The following USH1C variants were observed in gnomAD, a reference collection of about 807,000 sequenced individuals.
The protein encoded by USH1C is USH1 protein network component harmonin.
Under a neutral mutation model 119.3 loss-of-function variants are expected in USH1C, and 90 were observed. That is an observed-to-expected ratio of 0.75 (90% CI 0.64 to 0.90). The LOEUF (loss-of-function observed/expected upper bound fraction) is 0.90, where lower values mean the gene tolerates loss of function less well. Among genes scored for constraint, USH1C ranks in the 40% least tolerant of loss-of-function variants. USH1C has a pLI of 0.00. For missense variants in USH1C, 1,165 were observed against 1,167.7 expected, an observed-to-expected ratio of 1.00 and a Z score of 0.03; for synonymous variants, 465 against 443.3, an observed-to-expected ratio of 1.05 and a Z score of -0.62.
chr11:17,520,769 A>G, intron 14 of USH1C, 101 bp downstream of exon 14: 3 of 1,418,514 alleles, frequency 2.1e-6, no homozygotes, highest in South Asian at 2.3e-5. Context: ...CACAGCCCAG[A>G]GCACCAAGGG....
chr11:17,517,349 G>C, intron 14 of USH1C: 1 of 1,535,008 alleles, frequency 6.5e-7, no homozygotes, highest in South Asian at 1.2e-5. Flanking sequence ...AGGAGGAGGC[G>C]GGCAGGGTAA....
At chr11:17,535,032 C>T (rs1375148959) in intron 1 of USH1C, among the ~76,000 whole-genome samples, 1 of 152,168 alleles carries the variant, frequency 6.6e-6, no homozygotes, top group African/African-American at 2.4e-5. Flanking sequence ...ACCCCCTCTG[C>T]TCAGGCCTGT....
At chr11:17,518,818 A>G (rs1195274398) in intron 14 of USH1C, among the ~76,000 whole-genome samples, 1 of 152,128 alleles carries the variant, frequency 6.6e-6, no homozygotes, top group Admixed American at 6.5e-5. Flanking sequence ...CTGGGAGTTC[A>G]AGACCTGCCT....
rs1452559229 is a variant in USH1C, at chr11:17,527,899, A to C, written c.388-568T>G. On this transcript the variant is annotated intron_variant, in intron 4 of 26. Transcript: ENST00000005226. ...CCCATCATATGGAAACTTGATGAAC[A>C]TTTTAACTCTGCTGTGGCCCTGACC... 2.0e-5 allele frequency among the ~76,000 whole-genome samples: 3 copies of C among 152,096 alleles called. No individual in the cohort carries two copies. The East Asian group carries it at 5.8e-4, about 29-fold the overall frequency.
Position 17,531,310 on chromosome 11 carries a change from T to C in USH1C, c.249-18A>G. On this transcript the variant is annotated intron_variant, in intron 3 of 26. Coordinates refer to ENST00000005226, the MANE Select transcript of USH1C (RefSeq NM_153676.4). The surrounding 1 kb of genome is among the most constrained non-coding windows in gnomAD (Gnocchi z 4.2). ...TCAGCTTCCTGCCACACAGGAGAGGTCGGTGATGGTGCAGCTTGGCTGCCA... is the reference window on the plus strand; with the variant it reads ...TCAGCTTCCTGCCACACAGGAGAGGCCGGTGATGGTGCAGCTTGGCTGCCA... The C allele has an allele frequency of 6.2e-7, 1 of 1,613,856 alleles. No individual in the cohort carries two copies. The highest frequency in any genetic ancestry group is 2.2e-5 in the East Asian group (1 of 44,844).
intron 1 of USH1C, among the ~76,000 whole-genome samples, chr11:17,540,694 C>T (rs1158144415): frequency 6.6e-6 from 1 of 152,174 alleles, no homozygotes; most frequent in Non-Finnish European, 1.5e-5. Flanking sequence ...CGCTCGCAGC[C>T]AATCCATCAG....
intron 4 of USH1C, among the ~76,000 whole-genome samples, chr11:17,529,622 A>T (rs919833635): frequency 3.3e-5 from 5 of 152,202 alleles, no homozygotes; most frequent in African/African-American, 1.2e-4. Context: ...CCAGAACCCC[A>T]GTCGGAATGA....
Position 17,505,868 on chromosome 11 carries a change from T to G in USH1C, c.2095A>C (p.Asn699His), listed in dbSNP as rs768430319. ...TTCACAGCTGGCCTGTAGATGAAAT[T>G]GGGCTCCTGGTGGACCATGACAGGT... is the stretch of plus-strand genomic sequence containing the variant. ...SKPVMVHQEP[N>H]FIYRPAVKSE... Residue 699 changes from asparagine to histidine, a missense_variant, in exon 19 of 27, where the codon AAT becomes CAT. Asn to His is a moderately conservative substitution (Grantham distance 68). Transcript: ENST00000005226. The G allele has an allele frequency of 2.5e-6, 4 of 1,614,176 alleles. No individual in the cohort carries two copies. The South Asian group carries it at 4.4e-5, about 18-fold the overall frequency.
chr11:17,498,273 T>C lies in USH1C; in HGVS notation c.2381-2A>G, dbSNP rs1465352266. On this transcript the variant is annotated splice_acceptor_variant, in intron 23 of 26. Transcript: ENST00000005226. LOFTEE classifies it high-confidence loss of function. Reference sequence around the variant, plus strand: ...TCTCGTCCCCTTTCACAATGCCACCTGCAGGCAGATGAGGCTGATTGGCCA... The same window carrying C: ...TCTCGTCCCCTTTCACAATGCCACCCGCAGGCAGATGAGGCTGATTGGCCA... 1 of 1,614,024 alleles carries C rather than the reference T, an allele frequency of 6.2e-7. No homozygotes were observed. Among genetic ancestry groups the C allele is most frequent in the Non-Finnish European group, 8.5e-7 (1 of 1,179,894 alleles).
intron 18 of USH1C, 145 bp from the exon 19 acceptor site, chr11:17,506,094 G>T: frequency 8.3e-7 from 1 of 1,203,836 alleles, no homozygotes; most frequent in South Asian, 1.3e-5. Context: ...TCCTGGGGTT[G>T]TGATCCTCAG....
In USH1C at chr11:17,530,243, A is replaced by T. The variant is rs535822476; in HGVS notation, c.387+911T>A. On this transcript the variant is annotated intron_variant, in intron 4 of 26. Coordinates refer to ENST00000005226, the MANE Select transcript of USH1C (RefSeq NM_153676.4). The stretch of plus-strand genomic sequence containing the variant: ...GTGGGAGGGCCTCCTTTATCTCAAC[A>T]CACAAAAACACAGCCCTGGGCTCAG... Among the ~76,000 whole-genome samples, 9 of 152,256 alleles carry T rather than the reference A, an allele frequency of 5.9e-5. No individual in the cohort carries two copies. In the South Asian group the frequency reaches 1.9e-3, roughly 32 times the overall value.
Position 17,509,622 on chromosome 11 carries a change from G to C in USH1C, c.1747C>G (p.Pro583Ala). The C allele has an allele frequency of 1.3e-6, 2 of 1,589,524 alleles. No individual in the cohort carries two copies. Among genetic ancestry groups the C allele is most frequent in the Non-Finnish European group, 1.7e-6 (2 of 1,172,556 alleles). Reference protein sequence around the residue: ...PHKVPAPPVLPLSGHVSASSS... With the variant: ...PHKVPAPPVLALSGHVSASSS... ...GAGGCGCTCACATGGCCAGATAAGG[G>C]AAGGACAGGGGGCGCCGGGACCTTG... Residue 583 changes from proline (P) to alanine (A), a missense_variant, in exon 18 of 27, where the codon CCC becomes GCC. Transcript: ENST00000005226.
In USH1C at chr11:17,506,098, T is replaced by C. The variant is rs950593725; in HGVS notation, c.2014-149A>G. The C allele has an allele frequency of 6.8e-6, 8 of 1,178,784 alleles. No homozygotes were observed. In the African/African-American group the frequency reaches 1.1e-4, roughly 16 times the overall value. 73.0% of individuals were successfully genotyped at this position (1,178,784 alleles called of 1,614,324 possible). A position where few individuals can be genotyped will look rare whatever the true frequency, so the allele number is the denominator to read the frequency against. On this transcript the variant is annotated intron_variant, in intron 18 of 26. Coordinates refer to ENST00000005226, the MANE Select transcript of USH1C (RefSeq NM_153676.4). Reference sequence around the variant, plus strand: ...ACTGCTCGAGGTCCTGGGGTTGTGATCCTCAGCAGAGAGATGAGAAGCCCA... The same window carrying C: ...ACTGCTCGAGGTCCTGGGGTTGTGACCCTCAGCAGAGAGATGAGAAGCCCA...
In USH1C at chr11:17,530,628, C is replaced by T. The variant is rs911842388; in HGVS notation, c.387+526G>A. The stretch of plus-strand genomic sequence containing the variant: ...TAATTCATTTACTAACAAAACCTGA[C>T]GAGGTAGACAGTACTATCGGCAACT... On this transcript the variant is annotated intron_variant, in intron 4 of 26. Transcript: ENST00000005226. Among the ~76,000 whole-genome samples the T allele has an allele frequency of 3.9e-5, 6 of 152,162 alleles. No homozygotes were observed. The East Asian group carries it at 7.7e-4, about 20-fold the overall frequency.
At chr11:17,516,186 C>T in intron 15 of USH1C, 55 bp downstream of exon 15, 1 of 1,605,342 alleles carries the variant, frequency 6.2e-7, no homozygotes, top group Non-Finnish European at 8.5e-7. Flanking sequence ...TGGGAAAAGC[C>T]AAAACCCACA....
intron 15 of USH1C, among the ~76,000 whole-genome samples, chr11:17,512,945 G>A (rs1190747623): frequency 6.6e-6 from 1 of 152,156 alleles, no homozygotes. Context: ...TTCTCTCATG[G>A]GGTTGCAGGG....
intron 26 of USH1C, 34 bp downstream of exon 26, chr11:17,495,535 C>T: frequency 6.2e-7 from 1 of 1,601,676 alleles, no homozygotes; most frequent in East Asian, 2.2e-5. Context: ...GCAGCAGGGA[C>T]ACACAGGGCC....
rs530753553 is a variant in USH1C at position 17,518,326 on chromosome 11, C to T, written c.1211-2036G>A. Among the ~76,000 whole-genome samples, 4 of 152,154 alleles carry T rather than the reference C, an allele frequency of 2.6e-5. No individual in the cohort carries two copies. In the East Asian group the frequency reaches 5.8e-4, roughly 22 times the overall value. On this transcript the variant is annotated intron_variant, in intron 14 of 26. Transcript: ENST00000005226. ...AGGAAAATAACCTCAACTTCCAAAT[C>T]GTGGGGTCTCTTGTGGTGGAGGTGG...
chr11:17,512,552 G>T (rs1445311367), intron 15 of USH1C, among the ~76,000 whole-genome samples: 1 of 152,234 alleles, frequency 6.6e-6, no homozygotes, highest in Admixed American at 6.5e-5. Context: ...CAGATTCAGA[G>T]ATGCATCCTG....
Sources: gnomAD v4.1 joint callset for allele counts (sites outside exome capture counted in the v4.1 genomes callset) on GRCh38, gnomAD v4.1.1 for gene constraint, Gnocchi (gnomAD v3.1) non-coding constraint, MANE v1.5 for transcripts, NCBI Gene and HGNC (gene_info 2026-07-23, HGNC 2026-07-21) for gene names.